Variants in FNBP1 observed in about 807,000 individuals in gnomAD.
FNBP1 encodes formin binding protein 1, also known as formin-binding protein 1.
FNBP1 carries 26 observed loss-of-function variants against 90.6 expected under a neutral mutation model. The ratio of observed to expected loss-of-function variants is 0.29; its 90% CI spans 0.21 to 0.40. The LOEUF (loss-of-function observed/expected upper bound fraction) is 0.40, where lower values mean the gene tolerates loss of function less well. Among genes scored for constraint, FNBP1 ranks in the 10% least tolerant of loss-of-function variants. FNBP1 has a pLI of 1.00. For synonymous variants in FNBP1, 260 were observed against 265.2 expected (o/e 0.98, Z 0.19); for missense variants, 635 against 768.0 (o/e 0.83, Z 2.05).
chr9:129,949,232 T>A (rs1233451162), intron 6 of FNBP1, among the ~76,000 whole-genome samples: 1 of 152,082 alleles, frequency 6.6e-6, no homozygotes, highest in Non-Finnish European at 1.5e-5. Context: ...AGCTGCAAAA[T>A]GTCAAAGAAG....
intron 6 of FNBP1, among the ~76,000 whole-genome samples, chr9:129,940,211 A>C (rs111685960): frequency 0.037 from 5,605 of 152,216 alleles, 102 homozygotes; most frequent in South Asian, 0.07. Context: ...TCTCTCAAAA[A>C]CAACAACAAA....
At chr9:129,896,622 T>C (rs1014974718) in intron 15 of FNBP1, among the ~76,000 whole-genome samples, 1 of 151,902 alleles carries the variant, frequency 6.6e-6, no homozygotes, top group East Asian at 1.9e-4. Context: ...CCTTAGGTGA[T>C]CCACCAGCCT....
intron 11 of FNBP1, chr9:129,915,015 C>A: frequency 6.2e-6 from 2 of 321,832 alleles, no homozygotes; most frequent in African/African-American, 2.2e-5. Context: ...GTTGACTAGG[C>A]ATATACAATT....
At chr9:130,003,328 G>T (rs1303321352) in intron 1 of FNBP1, among the ~76,000 whole-genome samples, 1 of 152,072 alleles carries the variant, frequency 6.6e-6, no homozygotes, top group Admixed American at 6.6e-5. Context: ...ATGGTGGCAC[G>T]CACCTGTAGT....
At chr9:129,895,717 T>C in intron 16 of FNBP1, 121 bp downstream of exon 16, 1 of 1,395,298 alleles carries the variant, frequency 7.2e-7, no homozygotes, top group South Asian at 1.7e-5. Context: ...AGAACGTGCA[T>C]TATGGTGCTT....
intron 4 of FNBP1, 109 bp downstream of exon 4, chr9:129,978,356 G>T: frequency 1.1e-6 from 1 of 950,302 alleles, no homozygotes; most frequent in Non-Finnish European, 1.6e-6. Flanking sequence ...AAAGGTATGA[G>T]TTTAAGACCC....
chr9:130,019,203 G>A (rs1414418290), intron 1 of FNBP1, among the ~76,000 whole-genome samples: 4 of 151,474 alleles, frequency 2.6e-5, no homozygotes, highest in East Asian at 3.9e-4. Context: ...CTCCACTCCC[G>A]CCTGGATGAG....
At chr9:129,913,680 A>C (rs1334372956) in intron 11 of FNBP1, among the ~76,000 whole-genome samples, 3 of 151,904 alleles carry the variant, frequency 2.0e-5, no homozygotes, top group African/African-American at 7.3e-5. Context: ...CTGAGGCATG[A>C]GAATCGCTTG....
At chr9:130,014,239 C>A (rs1239798355) in intron 1 of FNBP1, among the ~76,000 whole-genome samples, 2 of 150,010 alleles carry the variant, frequency 1.3e-5, no homozygotes, top group Non-Finnish European at 3.0e-5. Context: ...TTTCTTATTT[C>A]TTTCTTTCTT....
At chr9:129,963,646 T>G (rs1205391615) in intron 4 of FNBP1, among the ~76,000 whole-genome samples, 2 of 127,570 alleles carry the variant, frequency 1.6e-5, no homozygotes, top group African/African-American at 6.0e-5. Flanking sequence ...AAAAAACAAG[T>G]CTCTGTCACC....
intron 13 of FNBP1, among the ~76,000 whole-genome samples, chr9:129,902,089 A>C (rs1037563061): frequency 2.0e-5 from 3 of 151,996 alleles, no homozygotes; most frequent in Admixed American, 2.0e-4. Context: ...CCCTCCCTCA[A>C]GCTTTGATTA....
At chr9:130,040,055 G>C (rs1283284303) in intron 1 of FNBP1, among the ~76,000 whole-genome samples, 1 of 151,968 alleles carries the variant, frequency 6.6e-6, no homozygotes, top group African/African-American at 2.4e-5. Context: ...ACCATTCAAG[G>C]AAAACCCTTA....
At chr9:129,995,897 G>A (rs868835898) in intron 1 of FNBP1, among the ~76,000 whole-genome samples, 2 of 152,286 alleles carry the variant, frequency 1.3e-5, no homozygotes, top group Middle Eastern at 3.4e-3. Context: ...AGGCACAAGA[G>A]GACTTGGAAG....
At chr9:130,024,931 G>C (rs532554841) in intron 1 of FNBP1, among the ~76,000 whole-genome samples, 1 of 152,264 alleles carries the variant, frequency 6.6e-6, no homozygotes, top group African/African-American at 2.4e-5. Context: ...TGTAATCCCA[G>C]CACTTTGGGA....
At chr9:129,958,183 G>A (rs2047227440) in intron 5 of FNBP1, among the ~76,000 whole-genome samples, 1 of 152,190 alleles carries the variant, frequency 6.6e-6, no homozygotes, top group South Asian at 2.1e-4. Context: ...TGTAATCCCA[G>A]AACTTTGGGA....
chr9:129,967,721 A>G (rs1047108375), intron 4 of FNBP1, among the ~76,000 whole-genome samples: 1 of 152,230 alleles, frequency 6.6e-6, no homozygotes, highest in Non-Finnish European at 1.5e-5. Context: ...TAATTCTCAC[A>G]ATTCCCAGAA....
rs1433691757 is a variant in FNBP1, at chr9:129,980,727, G to A, written c.141-1353C>T. ...TGGTTCTACTGACTGATTTCTCCTG[G>A]GTCCTGACTTTAGGTGACTATAGTT... On this transcript the variant is annotated intron_variant, in intron 2 of 16. Coordinates refer to ENST00000446176, the MANE Select transcript of FNBP1 (RefSeq NM_015033.3). Among the ~76,000 whole-genome samples the A allele has an allele frequency of 2.0e-5, 3 of 150,176 alleles. No individual in the cohort carries two copies. The East Asian group carries it at 5.9e-4, about 30-fold the overall frequency.
At chr9:129,924,170 A>G in intron 9 of FNBP1, 144 bp from the exon 10 acceptor site, 1 of 775,586 alleles carries the variant, frequency 1.3e-6, no homozygotes, top group Non-Finnish European at 2.0e-6. Context: ...AAAAGAAAAC[A>G]TGTAGGAGGT....
At chr9:129,976,228 G>A (rs1026417034) in intron 4 of FNBP1, among the ~76,000 whole-genome samples, 14 of 152,056 alleles carry the variant, frequency 9.2e-5, no homozygotes, top group Non-Finnish European at 4.4e-5. Flanking sequence ...GTCATTCTTC[G>A]TTGGGGAGCT....
Sources: allele counts gnomAD v4.1 joint callset (sites outside exome capture counted in the v4.1 genomes callset), GRCh38; gene constraint gnomAD v4.1.1; transcripts MANE v1.5; gene names NCBI Gene and HGNC (gene_info 2026-07-23, HGNC 2026-07-21).